The following PKD1L1 variants were observed in gnomAD, a reference collection of about 807,000 sequenced individuals.
PKD1L1 encodes the protein polycystin 1 like 1, transient receptor potential channel interacting, also known as polycystin-1-like protein 1.
A neutral mutation model predicts 323.4 loss-of-function variants in PKD1L1; 236 were observed. That is an observed-to-expected ratio of 0.73 (90% CI 0.66 to 0.81). PKD1L1 has a LOEUF of 0.81. Ranked by LOEUF, PKD1L1 falls within the 40% of genes least tolerant of loss-of-function variation. The pLI is 0.00. For missense variants in PKD1L1, 3,320 were observed against 3,508.0 expected, an observed-to-expected ratio of 0.95 and a Z score of 1.35; for synonymous variants, 1,344 against 1,335.0, an observed-to-expected ratio of 1.01 and a Z score of -0.15.
At chr7:47,906,829 A>G (rs1787216281) in intron 9 of PKD1L1, among the ~76,000 whole-genome samples, 1 of 152,206 alleles carries the variant, frequency 6.6e-6, no homozygotes, top group African/African-American at 2.4e-5. Flanking sequence ...ATGATAAATA[A>G]ATATCACATG....
intron 14 of PKD1L1, 92 bp downstream of exon 14, chr7:47,897,895 AG>A: frequency 1.0e-6 from 1 of 988,558 alleles, no homozygotes; most frequent in Non-Finnish European, 1.4e-6. Context: ...TGGATCGAAC[AG>A]GTGTTGAATT....
At position 47,830,141 on chromosome 7, in the gene PKD1L1, T is replaced by G; in HGVS notation, c.6474-17A>C. 1 of 1,611,182 alleles carries G rather than the reference T, an allele frequency of 6.2e-7. No individual in the cohort carries two copies. The highest frequency in any genetic ancestry group is 8.5e-7 in the Non-Finnish European group (1 of 1,177,980). ...TGGCCAAACCTGCCCCCAGGGAAAG[T>G]GCAGTGGTCAGCCCCCTCTAAGGGA... On this transcript the variant is annotated splice_polypyrimidine_tract_variant and intron_variant, in intron 42 of 56. Transcript: ENST00000289672.
intron 27 of PKD1L1, among the ~76,000 whole-genome samples, chr7:47,858,465 G>A (rs1178727826): frequency 1.3e-5 from 2 of 151,992 alleles, no homozygotes; most frequent in East Asian, 3.9e-4. Context: ...ATAGAAGCAA[G>A]GTTTCACTGG....
chr7:47,888,685 G>C lies in PKD1L1; in HGVS notation c.2676-535C>G, dbSNP rs945334780. Among the ~76,000 whole-genome samples the C allele has an allele frequency of 1.4e-4, 22 of 152,212 alleles. 1 individual carries two copies. Among genetic ancestry groups the C allele is most frequent in the Admixed American group, 1.4e-3 (22 of 15,288 alleles). ...ACTGCCTCGGCCCCGCCTCTTCCCT[G>C]TGCAGGGTTGTGGGTCATGGGCAGT... On this transcript the variant is annotated intron_variant, in intron 16 of 56. Transcript: ENST00000289672.
upstream of PKD1L1, among the ~76,000 whole-genome samples, chr7:47,950,202 C>T (rs1264940615): frequency 1.3e-5 from 2 of 152,186 alleles, no homozygotes; most frequent in African/African-American, 4.8e-5. Flanking sequence ...TGGGTAAAGA[C>T]ACCTGTGCAA....
At chr7:47,949,748 C>T (rs1169444352), upstream of PKD1L1, among the ~76,000 whole-genome samples, 3 of 152,132 alleles carry the variant, frequency 2.0e-5, no homozygotes, top group African/African-American at 4.8e-5. Flanking sequence ...AGAGTGGGAA[C>T]GTTTTCAGGC....
In PKD1L1 at chr7:47,929,313, T is replaced by A. The variant is rs1420619988; in HGVS notation, c.951A>T (p.Gly317=). 13 of 1,614,076 alleles carry A rather than the reference T, an allele frequency of 8.1e-6. No homozygotes were observed. The highest frequency in any genetic ancestry group is 1.1e-5 in the Non-Finnish European group (13 of 1,180,010). The change falls in exon 7 of 57, where the codon GGA becomes GGT. Residue 317 remains glycine, a synonymous_variant. Coordinates refer to ENST00000289672, the MANE Select transcript of PKD1L1 (RefSeq NM_138295.5). Reference sequence around the variant, plus strand: ...AATCCATCATCAGACAGAGAGCCTCTCCAGAAGCCATATGAACACGGAATC... The same window carrying A: ...AATCCATCATCAGACAGAGAGCCTCACCAGAAGCCATATGAACACGGAATC... ...NLGFRVHMAS[G]EALCLMMDFG...
rs952139862 is a variant in PKD1L1 at position 47,818,062 on chromosome 7, C to T, written c.6966-2605G>A. On this transcript the variant is annotated intron_variant, in intron 46 of 56. Transcript: ENST00000289672. ...GGTGCTGGTTCTTAACTCTGGACTT[C>T]TCTACAAGTTTTGTCAAACTATCAA... 2.9e-6 allele frequency: 4 copies of T among 1,367,804 alleles called. No homozygotes were observed. The African/African-American group carries it at 4.4e-5, about 15-fold the overall frequency. The allele number at this position is 1,367,804 out of a possible 1,614,324, so 84.7% of individuals were successfully genotyped here.
At chr7:47,833,388 A>C in intron 40 of PKD1L1, 136 bp from the exon 41 acceptor site, 2 of 952,630 alleles carry the variant, frequency 2.1e-6, no homozygotes, top group Non-Finnish European at 3.1e-6. Flanking sequence ...GAGGCCTCTA[A>C]AGACTTCTGA....
At chr7:47,874,128 G>A (rs1482722121) in intron 23 of PKD1L1, 118 bp from the exon 24 acceptor site, 1 of 655,482 alleles carries the variant, frequency 1.5e-6, no homozygotes. Flanking sequence ...TGACAAAGGG[G>A]CCAGGCTCCG....
At chr7:47,913,239 T>G (rs909290494) in intron 8 of PKD1L1, among the ~76,000 whole-genome samples, 33 of 151,944 alleles carry the variant, frequency 2.2e-4, no homozygotes, top group Non-Finnish European at 1.0e-4. Flanking sequence ...ATTGCATGAA[T>G]TTTCCTAAAA....
At chr7:47,956,226 GCACCGCACTTGGAGAATTT>G in the PKD1L1 span, among the ~76,000 whole-genome samples, 1 of 152,214 alleles carries the variant, frequency 6.6e-6, no homozygotes, top group African/African-American at 2.4e-5. Flanking sequence ...AGCCCACATA[GCACCGCACTTGGAGAATTT>G]CTCTGGAATC....
intron 2 of PKD1L1, among the ~76,000 whole-genome samples, chr7:47,940,861 C>T (rs917195365): frequency 6.6e-6 from 1 of 152,178 alleles, no homozygotes; most frequent in Non-Finnish European, 1.5e-5. Context: ...CAGTGTCCAC[C>T]CGGCTGGGAG....
At chr7:47,802,664 C>A (rs1784689335) in intron 53 of PKD1L1, among the ~76,000 whole-genome samples, 1 of 152,186 alleles carries the variant, frequency 6.6e-6, no homozygotes, top group African/African-American at 2.4e-5. Flanking sequence ...TCTGCTGGGA[C>A]CAGATCGGAA....
chr7:47,851,019 G>C (rs1785770854), intron 31 of PKD1L1, among the ~76,000 whole-genome samples: 1 of 152,150 alleles, frequency 6.6e-6, no homozygotes, highest in South Asian at 2.1e-4. Context: ...ACACACAATG[G>C]GAGAAAGTAA....
intron 8 of PKD1L1, among the ~76,000 whole-genome samples, chr7:47,910,977 C>A (rs764037568): frequency 6.6e-6 from 1 of 152,082 alleles, no homozygotes; most frequent in Non-Finnish European, 1.5e-5. Context: ...AACCACTGCA[C>A]CTAGCCTCAA....
At chr7:47,873,521 C>G (rs1195894337) in intron 24 of PKD1L1, among the ~76,000 whole-genome samples, 1 of 151,680 alleles carries the variant, frequency 6.6e-6, no homozygotes, top group East Asian at 1.9e-4. Flanking sequence ...GTGGCGCACA[C>G]CTGTAATCCC....
At chr7:47,810,676 T>G (rs537780225) in intron 50 of PKD1L1, among the ~76,000 whole-genome samples, 99 of 152,186 alleles carry the variant, frequency 6.5e-4, no homozygotes, top group African/African-American at 2.3e-3. Context: ...ACCTGAAGAG[T>G]CAGCAGGACT....
At chr7:47,797,569 T>A (rs962682717) in intron 54 of PKD1L1, among the ~76,000 whole-genome samples, 7 of 152,218 alleles carry the variant, frequency 4.6e-5, no homozygotes, top group African/African-American at 1.7e-4. Flanking sequence ...GAGACCTCAA[T>A]GCAATATTGC....
Sources: allele counts gnomAD v4.1 joint callset (sites outside exome capture counted in the v4.1 genomes callset), GRCh38; gene constraint gnomAD v4.1.1; transcripts MANE v1.5; gene names NCBI Gene and HGNC (gene_info 2026-07-23, HGNC 2026-07-21).